SNX29: variants seen among roughly 807,000 people sequenced by gnomAD.
SNX29 encodes sorting nexin-29.
In SNX29, 78 loss-of-function variants were observed where a neutral mutation model predicts 102.1. That is an observed-to-expected ratio of 0.76 (90% CI 0.64 to 0.92). The LOEUF (loss-of-function observed/expected upper bound fraction) is 0.92, where lower values mean the gene tolerates loss of function less well. Ranked by LOEUF, SNX29 falls within the 40% of genes least tolerant of loss-of-function variation. SNX29 has a pLI of 0.00. For synonymous variants in SNX29, 580 were observed against 414.5 expected, an observed-to-expected ratio of 1.40 and a Z score of -4.85; for missense variants, 1,280 against 1,061.7, an observed-to-expected ratio of 1.21 and a Z score of -2.86.
intron 14 of SNX29, among the ~76,000 whole-genome samples, chr16:12,234,907 C>T (rs1006741261): frequency 9.2e-5 from 14 of 152,158 alleles, no homozygotes; most frequent in South Asian, 4.2e-4. Context: ...CTACCTTACA[C>T]GTGGCTCTCA....
intron 14 of SNX29, among the ~76,000 whole-genome samples, chr16:12,254,592 G>T (rs1596644986): frequency 6.6e-6 from 1 of 151,890 alleles, no homozygotes; most frequent in Non-Finnish European, 1.5e-5. Flanking sequence ...AGTGAGCTGA[G>T]ATTGCGCCAC....
At chr16:12,210,602 C>G (rs540124578) in intron 14 of SNX29, among the ~76,000 whole-genome samples, 3 of 152,074 alleles carry the variant, frequency 2.0e-5, no homozygotes, top group Non-Finnish European at 4.4e-5. Flanking sequence ...CTCTGGACTC[C>G]TCCACTGCCG....
intron 13 of SNX29, among the ~76,000 whole-genome samples, chr16:12,138,231 GGA>G (rs1432300022): frequency 7.3e-6 from 1 of 136,348 alleles, no homozygotes; most frequent in Non-Finnish European, 1.6e-5. Flanking sequence ...TTTTTGAGGT[GGA>G]GTCTCACTCT....
chr16:12,091,978 T>C (rs898459433), intron 11 of SNX29, among the ~76,000 whole-genome samples: 6 of 152,044 alleles, frequency 3.9e-5, no homozygotes, highest in Non-Finnish European at 7.4e-5. Flanking sequence ...ACCGGGTCCA[T>C]GGTGTTTTGT....
At chr16:12,197,095 T>C (rs1267116971) in intron 13 of SNX29, among the ~76,000 whole-genome samples, 1 of 152,318 alleles carries the variant, frequency 6.6e-6, no homozygotes, top group East Asian at 1.9e-4. Flanking sequence ...CGCCAAACAC[T>C]GACATGACTT....
At chr16:12,312,389 C>G (rs952678940) in intron 15 of SNX29, among the ~76,000 whole-genome samples, 1 of 152,214 alleles carries the variant, frequency 6.6e-6, no homozygotes, top group South Asian at 2.1e-4. Flanking sequence ...GGCAACTGCA[C>G]TGTAGAGACT....
At chr16:12,044,234 T>A (rs1289060873) in intron 5 of SNX29, among the ~76,000 whole-genome samples, 2 of 152,206 alleles carry the variant, frequency 1.3e-5, no homozygotes, top group Admixed American at 6.5e-5. Flanking sequence ...TTGTGAGTAG[T>A]GTGGCATGTT....
intron 13 of SNX29, among the ~76,000 whole-genome samples, chr16:12,185,547 A>G (rs867585411): frequency 2.0e-5 from 3 of 152,056 alleles, no homozygotes; most frequent in Non-Finnish European, 2.9e-5. Context: ...ATACGTGGTG[A>G]TGGTCCCCCT....
rs374430914 is a variant in SNX29 at position 12,114,259 on chromosome 16, C to T, written c.1403-12374C>T. Among the ~76,000 whole-genome samples, 9 of 152,228 alleles carry T rather than the reference C, an allele frequency of 5.9e-5. No individual in the cohort carries two copies. In the East Asian group the frequency reaches 1.2e-3, roughly 20 times the overall value. ...ACTCCAGCATCCAGAGGTACAGCTG[C>T]AAGTAGGCGTCCCTGGATCCCAGGG... On this transcript the variant is annotated intron_variant, in intron 11 of 20. Coordinates refer to ENST00000566228, the MANE Select transcript of SNX29 (RefSeq NM_032167.5).
intron 20 of SNX29, among the ~76,000 whole-genome samples, chr16:12,538,401 T>G (rs576536696): frequency 2.3e-4 from 35 of 152,246 alleles, no homozygotes; most frequent in Non-Finnish European, 4.4e-4. Flanking sequence ...CCCCTTGCAC[T>G]TTTAAAATGA....
At chr16:12,542,467 G>C (rs1357271040) in intron 20 of SNX29, among the ~76,000 whole-genome samples, 2 of 152,232 alleles carry the variant, frequency 1.3e-5, no homozygotes, top group Non-Finnish European at 2.9e-5. Context: ...AAGTAGCTGG[G>C]ATTACAGGGA....
intron 14 of SNX29, among the ~76,000 whole-genome samples, chr16:12,216,148 T>G (rs1416099261): frequency 6.6e-6 from 1 of 152,122 alleles, no homozygotes; most frequent in East Asian, 1.9e-4. Context: ...AAAATTATAT[T>G]CATTATAGAA....
intron 11 of SNX29, among the ~76,000 whole-genome samples, chr16:12,094,749 G>A (rs1245496729): frequency 6.6e-6 from 1 of 152,116 alleles, no homozygotes; most frequent in African/African-American, 2.4e-5. Flanking sequence ...CCTCCCAACA[G>A]GACAGCTCCT....
chr16:12,255,257 G>A (rs951911829), intron 14 of SNX29, among the ~76,000 whole-genome samples: 2 of 152,074 alleles, frequency 1.3e-5, no homozygotes, highest in Non-Finnish European at 2.9e-5. Flanking sequence ...GCGCAATGGC[G>A]TGATCTCGGC....
At chr16:12,396,340 A>G (rs2083720827) in intron 16 of SNX29, among the ~76,000 whole-genome samples, 2 of 152,172 alleles carry the variant, frequency 1.3e-5, no homozygotes, top group African/African-American at 4.8e-5. Context: ...AGATACAGCC[A>G]GATGTTCTTG....
Position 11,976,785 on chromosome 16 carries a change from C to T in SNX29, c.-22C>T, listed in dbSNP as rs2055308641. On this transcript the variant is annotated 5_prime_UTR_variant, in exon 1 of 21. Transcript: ENST00000566228. ...GGCAGCGGCGGCGGCGCGGCGCAGG[C>T]ACCGGCCCGGGGAGAGGCACCATGA... is the stretch of plus-strand genomic sequence containing the variant. 3 of 1,356,372 alleles carry T rather than the reference C, an allele frequency of 2.2e-6. No homozygotes were observed. Among genetic ancestry groups the T allele is most frequent in the Admixed American group, 3.1e-5 (1 of 32,446 alleles). The allele number at this position is 1,356,372 out of a possible 1,614,324, so 84.0% of individuals were successfully genotyped here.
intron 1 of SNX29, among the ~76,000 whole-genome samples, chr16:11,997,730 C>T (rs892027379): frequency 3.3e-5 from 5 of 152,152 alleles, no homozygotes; most frequent in African/African-American, 1.2e-4. Context: ...CTTCCTGCCT[C>T]AGCCTTCCAA....
chr16:12,052,447 C>T (rs753243522), intron 8 of SNX29: 3 of 451,026 alleles, frequency 6.7e-6, no homozygotes, highest in Non-Finnish European at 1.2e-5. Context: ...AAACTCCTGA[C>T]CTCAAGTGAT....
At chr16:12,246,127 T>C (rs1267451993) in intron 14 of SNX29, among the ~76,000 whole-genome samples, 1 of 152,196 alleles carries the variant, frequency 6.6e-6, no homozygotes, top group African/African-American at 2.4e-5. Flanking sequence ...CAAGAGGGTG[T>C]CAACCTATGT....
Sources: gnomAD v4.1 joint callset for allele counts (sites outside exome capture counted in the v4.1 genomes callset) on GRCh38, gnomAD v4.1.1 for gene constraint, MANE v1.5 for transcripts, NCBI Gene and HGNC (gene_info 2026-07-23, HGNC 2026-07-21) for gene names.